The following HDAC4 variants were observed in gnomAD, a reference collection of about 807,000 sequenced individuals.
HDAC4 encodes histone deacetylase A.
HDAC4 carries 16 observed loss-of-function variants against 135.1 expected under a neutral mutation model. That is an observed-to-expected ratio of 0.12 (90% CI 0.08 to 0.18). The LOEUF is 0.18. HDAC4 is among the 10% of genes least tolerant of loss of function. HDAC4 has a pLI of 1.00. For missense variants in HDAC4, 1,143 were observed against 1,511.8 expected, an observed-to-expected ratio of 0.76 and a Z score of 4.05; for synonymous variants, 685 against 653.4, an observed-to-expected ratio of 1.05 and a Z score of -0.74.
intron 13 of HDAC4, 44 bp from the exon 14 acceptor site, chr2:239,111,756 C>A: frequency 1.3e-6 from 2 of 1,532,138 alleles, no homozygotes; most frequent in South Asian, 1.2e-5. Context: ...GGATGTCTCC[C>A]GCCCCTGGGC....
intron 1 of HDAC4, among the ~76,000 whole-genome samples, chr2:239,377,154 G>A (rs547756720): frequency 6.6e-6 from 1 of 152,164 alleles, no homozygotes; most frequent in African/African-American, 2.4e-5. Flanking sequence ...CTCTATGGCA[G>A]CCCAAAGGCT....
At chr2:239,292,695 G>C (rs1169437395) in intron 2 of HDAC4, among the ~76,000 whole-genome samples, 1 of 152,064 alleles carries the variant, frequency 6.6e-6, no homozygotes, top group Non-Finnish European at 1.5e-5. Flanking sequence ...AAGGCGGGAG[G>C]CTGGGTCGAG....
chr2:239,066,802 G>A lies in HDAC4; in HGVS notation c.2923C>T (p.Leu975=). 6.2e-7 allele frequency: 1 copy of A among 1,613,568 alleles called. No individual in the cohort carries two copies. The highest frequency in any genetic ancestry group is 8.5e-7 in the Non-Finnish European group (1 of 1,179,962). ...LMGLAGGRIV[L]ALEGGHDLTA... ...AGGTCGTGGCCTCCCTCGAGGGCCA[G>A]GACAATCCGGCCGCCAGCCAGGCCC... is the stretch of plus-strand genomic sequence containing the variant. The change falls in exon 24 of 27, where the codon CTG becomes TTG. Residue 975 remains leucine (L), a synonymous_variant. Transcript: ENST00000543185.
chr2:239,107,981 C>G (rs367825741), intron 15 of HDAC4, 69 bp downstream of exon 15: 2 of 1,587,258 alleles, frequency 1.3e-6, no homozygotes, highest in Non-Finnish European at 1.7e-6. Flanking sequence ...CTGAATCACG[C>G]GGGCCCACGA....
chr2:239,081,041 G>T, intron 22 of HDAC4, 54 bp downstream of exon 22: 2 of 1,350,280 alleles, frequency 1.5e-6, no homozygotes, highest in Non-Finnish European at 2.1e-6. Flanking sequence ...CCTGGAATGT[G>T]TGCACAGAGG....
chr2:239,279,741 G>C (rs1389387325), intron 2 of HDAC4, among the ~76,000 whole-genome samples: 1 of 152,220 alleles, frequency 6.6e-6, no homozygotes, highest in African/African-American at 2.4e-5. Context: ...AGGCCCGCAG[G>C]GGGCATGGGA....
At position 239,206,943 on chromosome 2, in the gene HDAC4, TTGA is replaced by T. The variant is rs570337054; in HGVS notation, c.95-16869_95-16867del. Among the ~76,000 whole-genome samples the T allele has an allele frequency of 2.6e-3, 393 of 152,306 alleles. 2 individuals carry two copies. The highest frequency in any genetic ancestry group is 9.2e-3 in the African/African-American group (381 of 41,568). ...TAGAGAGCTAGGCACTAGAATGTTA[TTGA>T]TGAAATGACATGGTGACTGGGGTCT... On this transcript the variant is annotated intron_variant, in intron 3 of 26. Coordinates refer to ENST00000543185, the MANE Select transcript of HDAC4 (RefSeq NM_001378414.1).
intron 2 of HDAC4, among the ~76,000 whole-genome samples, chr2:239,295,421 T>C (rs11883623): frequency 0.38 from 57,599 of 150,172 alleles, 11,141 homozygotes; most frequent in Middle Eastern, 0.42. Flanking sequence ...CCAACGAGAA[T>C]GAGACAAGAT....
intron 3 of HDAC4, among the ~76,000 whole-genome samples, chr2:239,221,334 G>A (rs1318506748): frequency 3.9e-5 from 6 of 152,092 alleles, no homozygotes; most frequent in Non-Finnish European, 8.8e-5. Flanking sequence ...GGAGATGGGA[G>A]CATTCTGGGA....
chr2:239,157,502 C>T (rs186167461), intron 6 of HDAC4, among the ~76,000 whole-genome samples: 5 of 152,304 alleles, frequency 3.3e-5, no homozygotes, highest in South Asian at 4.1e-4. Context: ...GGCCGGAGGA[C>T]GGACATGGGG....
At chr2:239,366,804 ATGACTTATCCC>A (rs1364223915) in intron 1 of HDAC4, among the ~76,000 whole-genome samples, 2 of 136,588 alleles carry the variant, frequency 1.5e-5, no homozygotes, top group Non-Finnish European at 2.9e-5. Context: ...GAAGGAAAAC[ATGACTTATCCC>A]TGACTTATCC....
chr2:239,321,854 A>C (rs996563508), intron 2 of HDAC4, among the ~76,000 whole-genome samples: 1 of 152,206 alleles, frequency 6.6e-6, no homozygotes, highest in East Asian at 1.9e-4. Context: ...CTGATGGCAC[A>C]TCCGGTTGTT....
At position 239,050,797 on chromosome 2, in the gene HDAC4, A is replaced by G. The variant is rs2030729934; in HGVS notation, c.*2300T>C. On this transcript the variant is annotated 3_prime_UTR_variant, in exon 27 of 27. Coordinates refer to ENST00000543185, the MANE Select transcript of HDAC4 (RefSeq NM_001378414.1). ...GGCTTCATGTGCTGGAAAATAAGTT[A>G]CCAGTAAAACGTGACTGTCAGTTAC... 1 of 152,580 alleles carries G rather than the reference A, an allele frequency of 6.6e-6. No individual in the cohort carries two copies. Among genetic ancestry groups the G allele is most frequent in the Non-Finnish European group, 1.5e-5 (1 of 68,052 alleles). 9.5% of individuals were successfully genotyped at this position (152,580 alleles called of 1,614,324 possible). A position where few individuals can be genotyped will look rare whatever the true frequency, so the allele number is the denominator to read the frequency against.
At chr2:239,396,636 G>T (rs843463) in intron 1 of HDAC4, among the ~76,000 whole-genome samples, 1 of 152,230 alleles carries the variant, frequency 6.6e-6, no homozygotes, top group African/African-American at 2.4e-5. Context: ...TATATTGACT[G>T]TTAAGCTTAC....
intron 21 of HDAC4, 49 bp downstream of exon 21, chr2:239,082,053 T>G: frequency 6.5e-7 from 1 of 1,539,646 alleles, no homozygotes; most frequent in Non-Finnish European, 9.0e-7. Flanking sequence ...CCACAGCGGC[T>G]CCCCGCAGTC....
At chr2:239,369,215 T>G (rs938873431) in intron 1 of HDAC4, among the ~76,000 whole-genome samples, 3 of 152,092 alleles carry the variant, frequency 2.0e-5, no homozygotes, top group African/African-American at 7.2e-5. Context: ...CACGGCCCAT[T>G]CCCCGACGGT....
intron 6 of HDAC4, among the ~76,000 whole-genome samples, chr2:239,161,436 A>C (rs2042786769): frequency 1.3e-5 from 2 of 152,186 alleles, no homozygotes; most frequent in African/African-American, 4.8e-5. Context: ...GTCTAGGCTC[A>C]GGTCTATGAC....
chr2:239,232,159 T>C (rs1037924774), intron 3 of HDAC4, among the ~76,000 whole-genome samples: 4 of 152,244 alleles, frequency 2.6e-5, no homozygotes, highest in Admixed American at 6.5e-5. Context: ...CCCACCACTT[T>C]AGTGATTTTT....
chr2:239,267,625 G>A lies in HDAC4; in HGVS notation c.23-30961C>T, dbSNP rs568566404. ...TGACACTTCCTCACCAGGAGGCGGA[G>A]CCCTGAGCCAAGGCAGACCTGGAGG... On this transcript the variant is annotated intron_variant, in intron 2 of 26. Coordinates refer to ENST00000543185, the MANE Select transcript of HDAC4 (RefSeq NM_001378414.1). 2.6e-5 allele frequency among the ~76,000 whole-genome samples: 4 copies of A among 152,386 alleles called. No homozygotes were observed. The South Asian group carries it at 8.3e-4, about 32-fold the overall frequency.
Sources: gnomAD v4.1 joint callset for allele counts (sites outside exome capture counted in the v4.1 genomes callset) on GRCh38, gnomAD v4.1.1 for gene constraint, MANE v1.5 for transcripts, NCBI Gene and HGNC (gene_info 2026-07-23, HGNC 2026-07-21) for gene names.